The following NCOA3 variants were observed in gnomAD, a reference collection of about 807,000 sequenced individuals.
NCOA3 encodes the protein CBP-interacting protein.
A neutral mutation model predicts 158.8 loss-of-function variants in NCOA3; 51 were observed. That is an observed-to-expected ratio of 0.32 (90% CI 0.26 to 0.41). The LOEUF (loss-of-function observed/expected upper bound fraction) is 0.41. Among genes scored for constraint, NCOA3 ranks in the 10% least tolerant of loss-of-function variants. NCOA3 has a pLI of 1.00. For missense variants in NCOA3, 1,510 were observed against 1,746.6 expected (o/e 0.86, Z 2.41); for synonymous variants, 537 against 592.4 (o/e 0.91, Z 1.36).
intron 1 of NCOA3, among the ~76,000 whole-genome samples, chr20:47,522,477 A>C (rs1490116632): frequency 1.3e-5 from 2 of 149,916 alleles, no homozygotes. Flanking sequence ...AAGACGGAAG[A>C]AGCTCCCCCA....
chr20:47,626,426 A>G (rs2086321924), intron 5 of NCOA3, among the ~76,000 whole-genome samples: 1 of 152,200 alleles, frequency 6.6e-6, no homozygotes, highest in Non-Finnish European at 1.5e-5. Flanking sequence ...TTTAAAAATT[A>G]GGTTAGACAT....
intron 1 of NCOA3, among the ~76,000 whole-genome samples, chr20:47,518,362 AT>A (rs2084268577): frequency 6.6e-6 from 1 of 151,434 alleles, no homozygotes; most frequent in Non-Finnish European, 1.5e-5. Context: ...AATAAATTAA[AT>A]TGGGGGAAAA....
At position 47,627,267 on chromosome 20, in the gene NCOA3, C is replaced by T. The variant is rs6018598; in HGVS notation, c.532+91C>T. On this transcript the variant is annotated intron_variant, in intron 6 of 22. Coordinates refer to ENST00000371998, the MANE Select transcript of NCOA3 (RefSeq NM_181659.3). The stretch of plus-strand genomic sequence containing the variant: ...TGAATGTATCTTTTAGGAAGTCAAG[C>T]GATCAAATGAGGGTAGAAAGGCATG... 1.7e-3 allele frequency: 1,817 copies of T among 1,072,908 alleles called. 33 individuals are homozygous for T. The African/African-American group carries it at 0.026, about 15-fold the overall frequency. 66.5% of individuals were successfully genotyped at this position (1,072,908 alleles called of 1,614,324 possible).
At chr20:47,547,047 C>T (rs185507297) in intron 1 of NCOA3, among the ~76,000 whole-genome samples, 38 of 152,256 alleles carry the variant, frequency 2.5e-4, no homozygotes, top group East Asian at 3.9e-4. Context: ...TATTTAATAC[C>T]GGAACCTCTG....
At chr20:47,571,833 C>G (rs1482769095) in intron 1 of NCOA3, among the ~76,000 whole-genome samples, 9 of 151,226 alleles carry the variant, frequency 6.0e-5, no homozygotes, top group Admixed American at 2.0e-4. Context: ...CTCAAGCAAT[C>G]CCTTCCACCT....
Position 47,512,541 on chromosome 20 carries a change from G to T in NCOA3, c.-99+10522G>T, listed in dbSNP as rs1167836969. 2.0e-5 allele frequency among the ~76,000 whole-genome samples: 3 copies of T among 148,596 alleles called. No homozygotes were observed. In the South Asian group the frequency reaches 6.4e-4, roughly 32 times the overall value. On this transcript the variant is annotated intron_variant, in intron 1 of 22. Coordinates refer to ENST00000371998, the MANE Select transcript of NCOA3 (RefSeq NM_181659.3). ...CGACATAGCGCCACTGCACTCGAAC[G>T]TGGCAACAGAGTGAGACTCTGTCTC...
At chr20:47,604,605 T>G (rs576343716) in intron 2 of NCOA3, among the ~76,000 whole-genome samples, 1 of 152,354 alleles carries the variant, frequency 6.6e-6, no homozygotes, top group South Asian at 2.1e-4. Flanking sequence ...TGGCTTTCAA[T>G]TATTATTTTA....
intron 20 of NCOA3, among the ~76,000 whole-genome samples, chr20:47,651,952 C>T (rs907759439): frequency 6.6e-6 from 1 of 152,058 alleles, no homozygotes; most frequent in Non-Finnish European, 1.5e-5. Flanking sequence ...AGGCGTGAGT[C>T]ACCGTGCCCG....
chr20:47,642,125 A>C (rs866685939), intron 16 of NCOA3, 88 bp from the exon 17 acceptor site: 12 of 995,922 alleles, frequency 1.2e-5, no homozygotes, highest in Non-Finnish European at 1.2e-5. Flanking sequence ...GTTACTGTTC[A>C]TTAAAAATAC....
chr20:47,516,422 A>G (rs571513462), intron 1 of NCOA3, among the ~76,000 whole-genome samples: 1 of 152,286 alleles, frequency 6.6e-6, no homozygotes, highest in East Asian at 1.9e-4. Context: ...ATCAGGACAC[A>G]GGGAAGAGAA....
At chr20:47,550,274 A>G (rs949659148) in intron 1 of NCOA3, among the ~76,000 whole-genome samples, 22 of 151,648 alleles carry the variant, frequency 1.5e-4, no homozygotes, top group African/African-American at 5.3e-4. Context: ...GAGAAACCCC[A>G]TCTCTACTAA....
chr20:47,558,160 C>T (rs766776954), intron 1 of NCOA3, among the ~76,000 whole-genome samples: 1 of 147,990 alleles, frequency 6.8e-6, no homozygotes, highest in South Asian at 2.1e-4. Context: ...TAGGTTCAAA[C>T]GATTTCTCCT....
rs749602779 is a variant in NCOA3, at chr20:47,590,637, T to C, written c.-20+7376T>C. ...GGGCAATATGGTAAGACCCCGTCTC[T>C]ACAAAAATAAAAAATAAAAACATTA... On this transcript the variant is annotated intron_variant, in intron 2 of 22. Coordinates refer to ENST00000371998, the MANE Select transcript of NCOA3 (RefSeq NM_181659.3). Among the ~76,000 whole-genome samples, 5 of 151,940 alleles carry C rather than the reference T, an allele frequency of 3.3e-5. No individual in the cohort carries two copies. In the South Asian group the frequency reaches 6.2e-4, roughly 19 times the overall value.
intron 2 of NCOA3, among the ~76,000 whole-genome samples, chr20:47,596,904 T>G (rs985269333): frequency 3.9e-5 from 6 of 152,246 alleles, no homozygotes; most frequent in African/African-American, 9.6e-5. Context: ...GTAAATTTTC[T>G]TACTGAAATG....
intron 8 of NCOA3, among the ~76,000 whole-genome samples, chr20:47,632,481 GGGTTCAA>G (rs1568740746): frequency 6.6e-6 from 1 of 150,472 alleles, no homozygotes; most frequent in Non-Finnish European, 1.5e-5. Context: ...TCTGCCTCCC[GGGTTCAA>G]GCAATTCTCC....
chr20:47,577,108 A>G (rs1053557098), intron 1 of NCOA3, among the ~76,000 whole-genome samples: 2 of 152,332 alleles, frequency 1.3e-5, no homozygotes, highest in East Asian at 1.9e-4. Flanking sequence ...GTTTAGTTCC[A>G]TTGTTCATCA....
At chr20:47,503,629 TA>T (rs1165603665) in intron 1 of NCOA3, among the ~76,000 whole-genome samples, 2 of 152,120 alleles carry the variant, frequency 1.3e-5, no homozygotes, top group African/African-American at 2.4e-5. Flanking sequence ...TTTGCTCTCT[TA>T]AAAAAAATGT....
intron 1 of NCOA3, among the ~76,000 whole-genome samples, chr20:47,538,766 G>A (rs981533296): frequency 2.0e-5 from 3 of 152,074 alleles, no homozygotes; most frequent in African/African-American, 7.2e-5. Flanking sequence ...GGCTGGTCTC[G>A]AACTCCTGAC....
At chr20:47,616,567 A>G (rs918340517) in intron 2 of NCOA3, among the ~76,000 whole-genome samples, 6 of 152,196 alleles carry the variant, frequency 3.9e-5, no homozygotes, top group African/African-American at 1.4e-4. Flanking sequence ...AACTTTTTTT[A>G]GTGGAAACAT....
Sources: allele counts gnomAD v4.1 joint callset (sites outside exome capture counted in the v4.1 genomes callset), GRCh38; gene constraint gnomAD v4.1.1; transcripts MANE v1.5; gene names NCBI Gene and HGNC (gene_info 2026-07-23, HGNC 2026-07-21).